The following ZNF157 variants were observed in gnomAD, a reference collection of about 807,000 sequenced individuals.
ZNF157 encodes zinc finger protein 157.
ZNF157 carries 8 observed loss-of-function variants against 9.4 expected under a neutral mutation model. The observed-to-expected ratio is 0.85, with a 90% CI of 0.50 to 1.53. The LOEUF is 1.53. Ranked by LOEUF, ZNF157 falls within the 40% of genes most tolerant of loss-of-function variation. ZNF157 has a pLI of 0.00. For missense variants in ZNF157, 316 were observed against 385.2 expected (o/e 0.82, Z 1.50); for synonymous variants, 120 against 130.8 (o/e 0.92, Z 0.56).
At chrX:47,408,409 G>A (rs763339494) in intron 1 of ZNF157, among the ~76,000 whole-genome samples, 1 of 107,259 alleles carries the variant, frequency 9.3e-6, no homozygotes, top group Non-Finnish European at 1.9e-5. Flanking sequence ...GTGCCCGGAG[G>A]CATATCTTTG....
At chrX:47,411,927 G>A (rs1427607178) in intron 3 of ZNF157, among the ~76,000 whole-genome samples, 1 of 111,174 alleles carries the variant, frequency 9.0e-6, no homozygotes, top group African/African-American at 3.3e-5. Context: ...AAGGTAAGAA[G>A]GATAGATACT....
At chrX:47,391,697 T>C (rs2055897687) in intron 1 of ZNF157, among the ~76,000 whole-genome samples, 1 of 110,960 alleles carries the variant, frequency 9.0e-6, no homozygotes, top group Admixed American at 9.7e-5. Context: ...ACTACAGGCA[T>C]GTGCCACCAC....
chrX:47,403,795 C>T (rs2055938114), intron 1 of ZNF157, among the ~76,000 whole-genome samples: 1 of 112,097 alleles, frequency 8.9e-6, no homozygotes, highest in African/African-American at 3.2e-5. Context: ...AAAAATACTT[C>T]AACAATTATG....
At chrX:47,379,370 A>C (rs889338759) in intron 1 of ZNF157, among the ~76,000 whole-genome samples, 2 of 107,699 alleles carry the variant, frequency 1.9e-5, no homozygotes, top group African/African-American at 6.8e-5. Context: ...GAAATTTTAT[A>C]GTTTTTCATT....
intron 1 of ZNF157, among the ~76,000 whole-genome samples, chrX:47,392,921 C>T (rs1445205177): frequency 9.0e-6 from 1 of 111,007 alleles, no homozygotes; most frequent in East Asian, 2.8e-4. Flanking sequence ...TTTGGGAGGC[C>T]GAGGCAGGTG....
In ZNF157 at chrX:47,413,418, A is replaced by G; in HGVS notation, c.1345A>G (p.Asn449Asp). ...ACCTTATGAATGTAGTGAATGTGGA[A>G]ATGCCTTCTATGTGAAAGTACGCCT... ...EKPYECSECG[N>D]AFYVKVRLIE... Residue 449 changes from asparagine (N) to aspartate (D), a missense_variant, in exon 4 of 4, where the codon AAT becomes GAT. Asn to Asp is a conservative substitution (Grantham distance 23). Coordinates refer to ENST00000377073, the MANE Select transcript of ZNF157 (RefSeq NM_003446.4). The G allele has an allele frequency of 8.3e-7, 1 of 1,211,980 alleles. No individual in the cohort carries two copies. Among genetic ancestry groups the G allele is most frequent in the Non-Finnish European group, 1.1e-6 (1 of 895,581 alleles).
rs143007763 is a variant in ZNF157 at position 47,398,709 on chromosome X, C to T, written c.73-11567C>T. 9.7e-3 allele frequency among the ~76,000 whole-genome samples: 1,047 copies of T among 107,751 alleles called. 22 individuals carry two copies. The highest frequency in any genetic ancestry group is 0.034 in the African/African-American group (997 of 29,483). The allele number at this position is 107,751 out of a possible 115,157, so 93.6% of individuals were successfully genotyped here. A position where few individuals can be genotyped will look rare whatever the true frequency, so the allele number is the denominator to read the frequency against. On this transcript the variant is annotated intron_variant, in intron 1 of 3. Coordinates refer to ENST00000377073, the MANE Select transcript of ZNF157 (RefSeq NM_003446.4). Reference sequence around the variant, plus strand: ...GTGTGTGTGTTTTTTTAGATGAAGTCTCACTCTTGTCACTCAGGCTGGAAT... The same window carrying T: ...GTGTGTGTGTTTTTTTAGATGAAGTTTCACTCTTGTCACTCAGGCTGGAAT...
Position 47,412,612 on chromosome X carries a change from A to G in ZNF157, c.539A>G (p.His180Arg). The G allele has an allele frequency of 8.2e-7, 1 of 1,212,382 alleles. No individual in the cohort carries two copies. The highest frequency in any genetic ancestry group is 1.1e-6 in the Non-Finnish European group (1 of 895,647). ...TGTAGGAAGTCAAACCTTGTTGAACATCTGAGAATACACACAGGAGAGAGA... is the reference window on the plus strand; with the variant it reads ...TGTAGGAAGTCAAACCTTGTTGAACGTCTGAGAATACACACAGGAGAGAGA... The part of the protein sequence containing the change: ...AYCRKSNLVE[H>R]LRIHTGERPY... The change falls in exon 4 of 4, where the codon CAT becomes CGT. Residue 180 changes from histidine to arginine, a missense_variant. His to Arg is a conservative substitution (Grantham distance 29). Coordinates refer to ENST00000377073, the MANE Select transcript of ZNF157 (RefSeq NM_003446.4).
In ZNF157 at chrX:47,413,609, A is replaced by G; in HGVS notation, c.*15A>G. The G allele has an allele frequency of 8.5e-7, 1 of 1,171,112 alleles. No homozygotes were observed. Among genetic ancestry groups the G allele is most frequent in the Non-Finnish European group, 1.1e-6 (1 of 875,890 alleles). Reference sequence around the variant, plus strand: ...CCTCTCACTGAAGACTTCCCTCACCATTGGATCAAGCTCCTTGGGGGCATA... The same window carrying G: ...CCTCTCACTGAAGACTTCCCTCACCGTTGGATCAAGCTCCTTGGGGGCATA... On this transcript the variant is annotated 3_prime_UTR_variant, in exon 4 of 4. Transcript: ENST00000377073.
Position 47,410,256 on chromosome X carries a change from A to T in ZNF157, c.73-20A>T, listed in dbSNP as rs1390822964. 1.7e-6 allele frequency: 2 copies of T among 1,210,688 alleles called. No homozygotes were observed. Among genetic ancestry groups the T allele is most frequent in the Non-Finnish European group, 2.2e-6 (2 of 895,136 alleles). Reference sequence around the variant, plus strand: ...CTTTTTCATGCATCCCATTCTGATCATTGGAGATTGTTATTACAGGGGTCC... The same window carrying T: ...CTTTTTCATGCATCCCATTCTGATCTTTGGAGATTGTTATTACAGGGGTCC... On this transcript the variant is annotated intron_variant, in intron 1 of 3. Coordinates refer to ENST00000377073, the MANE Select transcript of ZNF157 (RefSeq NM_003446.4).
In ZNF157 at chrX:47,412,682, A is replaced by G. The variant is rs2055969102; in HGVS notation, c.609A>G (p.Ser203=). ...GTGCAAAAACCTTCAGTGCAAGATC[A>G]TACCTCATTGCTCATCAGAAAACTC... ...GECAKTFSAR[S]YLIAHQKTHT... Residue 203 remains serine, a synonymous_variant, in exon 4 of 4, where the codon TCA becomes TCG. Transcript: ENST00000377073. The G allele has an allele frequency of 3.3e-6, 4 of 1,211,981 alleles. No individual in the cohort carries two copies. Among genetic ancestry groups the G allele is most frequent in the Middle Eastern group, 2.3e-4 (1 of 4,354 alleles).
At chrX:47,410,632 A>G in intron 2 of ZNF157, 48 bp from the exon 3 acceptor site, 1 of 1,121,454 alleles carries the variant, frequency 8.9e-7, no homozygotes, top group Non-Finnish European at 1.2e-6. Context: ...CAGAGGCCCT[A>G]GAGCTCAGAC....
Position 47,412,629 on chromosome X carries a change from GGA to G in ZNF157, c.563_564del (p.Arg188ThrfsTer3). Reference protein sequence around the residue: ...NLVEHLRIHTGERPYECGECA... With the variant: ...NLVEHLRIHTXERPYECGECA... ...TGTTGAACATCTGAGAATACACACAGGAGAGAGACCCTATGAATGCGGTGAAT... is the reference window on the plus strand; with the variant it reads ...TGTTGAACATCTGAGAATACACACAGGAGAGACCCTATGAATGCGGTGAAT... On this transcript the variant is annotated frameshift_variant, in exon 4 of 4. Coordinates refer to ENST00000377073, the MANE Select transcript of ZNF157 (RefSeq NM_003446.4). LOFTEE classifies it low-confidence loss of function (END_TRUNC). 8.3e-7 allele frequency: 1 copy of G among 1,212,117 alleles called. No individual in the cohort carries two copies. Among genetic ancestry groups the G allele is most frequent in the Non-Finnish European group, 1.1e-6 (1 of 895,586 alleles).
At chrX:47,390,791 C>T (rs1022235780) in intron 1 of ZNF157, 4 of 112,390 alleles carry the variant, frequency 3.6e-5, no homozygotes, top group African/African-American at 6.4e-5. Flanking sequence ...CTCTGTCTCT[C>T]TGTCTCTGTC....
intron 1 of ZNF157, among the ~76,000 whole-genome samples, chrX:47,390,676 G>T (rs899109242): frequency 8.9e-6 from 1 of 112,838 alleles, no homozygotes; most frequent in Non-Finnish European, 1.9e-5. Context: ...TTGCACGCCA[G>T]CCTGGGCAAC....
At chrX:47,392,919 G>T (rs2055901376) in intron 1 of ZNF157, among the ~76,000 whole-genome samples, 1 of 111,425 alleles carries the variant, frequency 9.0e-6, no homozygotes, top group African/African-American at 3.3e-5. Context: ...ACTTTGGGAG[G>T]CCGAGGCAGG....
At chrX:47,407,744 C>T (rs939600288) in intron 1 of ZNF157, among the ~76,000 whole-genome samples, 8 of 109,575 alleles carry the variant, frequency 7.3e-5, no homozygotes, top group African/African-American at 1.7e-4. Context: ...CTCCACCTCC[C>T]GGGTTCAAGC....
intron 1 of ZNF157, among the ~76,000 whole-genome samples, chrX:47,391,691 C>T (rs1156586873): frequency 6.3e-5 from 7 of 110,788 alleles, no homozygotes; most frequent in Non-Finnish European, 1.3e-4. Flanking sequence ...GCTGGCACTA[C>T]AGGCATGTGC....
intron 1 of ZNF157, among the ~76,000 whole-genome samples, chrX:47,381,343 A>G (rs1404328856): frequency 6.3e-5 from 7 of 111,294 alleles, no homozygotes; most frequent in Admixed American, 2.9e-4. Context: ...TGCTCTGCTC[A>G]TGTCTAACTA....
Sources: gnomAD v4.1 joint callset for allele counts (sites outside exome capture counted in the v4.1 genomes callset) on GRCh38, gnomAD v4.1.1 for gene constraint, MANE v1.5 for transcripts, NCBI Gene and HGNC (gene_info 2026-07-23, HGNC 2026-07-21) for gene names.